ARHGAP42: variants seen among roughly 807,000 people sequenced by gnomAD.
ARHGAP42 encodes Rho GTPase activating protein 42, also known as rho GTPase-activating protein 42.
Under a neutral mutation model 125.0 loss-of-function variants are expected in ARHGAP42, and 63 were observed. The observed-to-expected ratio is 0.50, with a 90% confidence interval of 0.41 to 0.62. ARHGAP42 has a LOEUF of 0.62. ARHGAP42 is among the 20% of genes least tolerant of loss of function. The probability of loss-of-function intolerance (pLI) is 0.00; values close to 1 mark genes in which losing one functional copy is unlikely to be tolerated. For missense variants in ARHGAP42, 766 were observed against 1,024.2 expected (o/e 0.75, Z 3.44); for synonymous variants, 339 against 351.0 (o/e 0.97, Z 0.38).
At chr11:100,694,363 T>C (rs999433349) in intron 1 of ARHGAP42, among the ~76,000 whole-genome samples, 2 of 152,164 alleles carry the variant, frequency 1.3e-5, no homozygotes, top group Admixed American at 1.3e-4. Context: ...ATTAAGTAAA[T>C]GATATGCAAC....
chr11:100,707,726 C>T (rs1861501682), intron 1 of ARHGAP42, among the ~76,000 whole-genome samples: 1 of 152,232 alleles, frequency 6.6e-6, no homozygotes, highest in African/African-American at 2.4e-5. Context: ...GTGTCAGGTA[C>T]TGCTCTAGGC....
At chr11:100,860,797 G>A (rs1295216656) in intron 4 of ARHGAP42, among the ~76,000 whole-genome samples, 1 of 152,066 alleles carries the variant, frequency 6.6e-6, no homozygotes, top group East Asian at 1.9e-4. Flanking sequence ...AGTTTGCCTT[G>A]ATTAGAATTT....
intron 17 of ARHGAP42, among the ~76,000 whole-genome samples, chr11:100,968,819 T>C (rs1040906037): frequency 6.6e-6 from 1 of 152,184 alleles, no homozygotes; most frequent in Non-Finnish European, 1.5e-5. Flanking sequence ...CCCAACAATA[T>C]AATTATTAAT....
chr11:100,838,367 T>C (rs1292048188), intron 3 of ARHGAP42, among the ~76,000 whole-genome samples: 3 of 152,144 alleles, frequency 2.0e-5, no homozygotes, highest in African/African-American at 7.2e-5. Context: ...TAGACATTCC[T>C]TTTTTCAAAC....
chr11:100,946,078 T>G (rs1462869574), intron 10 of ARHGAP42, among the ~76,000 whole-genome samples: 1 of 152,128 alleles, frequency 6.6e-6, no homozygotes, highest in African/African-American at 2.4e-5. Flanking sequence ...CATCAACTCT[T>G]ACTGCTTCAT....
intron 1 of ARHGAP42, among the ~76,000 whole-genome samples, chr11:100,757,941 G>A (rs1862613543): frequency 6.6e-6 from 1 of 152,082 alleles, no homozygotes; most frequent in South Asian, 2.1e-4. Flanking sequence ...GTTACCATCC[G>A]TTATAAAATA....
intron 3 of ARHGAP42, among the ~76,000 whole-genome samples, chr11:100,821,722 C>T (rs951302449): frequency 6.6e-6 from 1 of 151,900 alleles, no homozygotes; most frequent in Non-Finnish European, 1.5e-5. Flanking sequence ...TTATTCTCTT[C>T]ACTATCTTTT....
intron 3 of ARHGAP42, among the ~76,000 whole-genome samples, chr11:100,813,979 G>A (rs1373968503): frequency 6.6e-6 from 1 of 152,076 alleles, no homozygotes; most frequent in Non-Finnish European, 1.5e-5. Flanking sequence ...TGGAGCATGA[G>A]ATCGAGATCA....
intron 12 of ARHGAP42, among the ~76,000 whole-genome samples, chr11:100,950,440 G>A (rs990591379): frequency 6.6e-6 from 1 of 150,842 alleles, no homozygotes; most frequent in Non-Finnish European, 1.5e-5. Context: ...TTTTCTTACA[G>A]GTATAAGACT....
chr11:100,870,462 T>C (rs1865669977), intron 4 of ARHGAP42, among the ~76,000 whole-genome samples: 2 of 152,252 alleles, frequency 1.3e-5, no homozygotes, highest in Non-Finnish European at 2.9e-5. Flanking sequence ...AGAGAATTTA[T>C]TCTAAATGTA....
intron 1 of ARHGAP42, among the ~76,000 whole-genome samples, chr11:100,713,341 G>C (rs1019540710): frequency 3.9e-5 from 6 of 152,156 alleles, no homozygotes; most frequent in African/African-American, 1.4e-4. Context: ...GAGAAAATTT[G>C]AGACTTGGAA....
chr11:100,873,456 A>G (rs774715220), intron 4 of ARHGAP42, among the ~76,000 whole-genome samples: 6 of 152,210 alleles, frequency 3.9e-5, no homozygotes, highest in Non-Finnish European at 7.3e-5. Flanking sequence ...CCAGTGTGTT[A>G]TATAACCCAC....
At chr11:100,951,768 T>C (rs1021841080) in intron 12 of ARHGAP42, among the ~76,000 whole-genome samples, 5 of 152,198 alleles carry the variant, frequency 3.3e-5, no homozygotes, top group African/African-American at 1.2e-4. Flanking sequence ...TCAATTATAA[T>C]TATAAAATGG....
chr11:100,968,421 A>G (rs747482919), intron 17 of ARHGAP42, among the ~76,000 whole-genome samples: 7 of 152,256 alleles, frequency 4.6e-5, no homozygotes, highest in Non-Finnish European at 1.0e-4. Context: ...TCTAGGGCTT[A>G]TCATATACAT....
chr11:100,837,559 G>A (rs913048636), intron 3 of ARHGAP42, among the ~76,000 whole-genome samples: 9 of 151,506 alleles, frequency 5.9e-5, no homozygotes, highest in Non-Finnish European at 1.0e-4. Context: ...GGTGGTCAGG[G>A]CTTGCATACT....
At chr11:100,930,003 A>C (rs963508265) in intron 6 of ARHGAP42, among the ~76,000 whole-genome samples, 2 of 152,204 alleles carry the variant, frequency 1.3e-5, no homozygotes, top group African/African-American at 4.8e-5. Flanking sequence ...GGGTTATTGG[A>C]GCGACAAGTA....
intron 3 of ARHGAP42, among the ~76,000 whole-genome samples, chr11:100,856,655 G>A (rs1865329343): frequency 6.6e-6 from 1 of 152,072 alleles, no homozygotes; most frequent in Admixed American, 6.6e-5. Context: ...ATCTACTACT[G>A]CTAGGCCTCT....
At chr11:100,821,959 C>T (rs897693093) in intron 3 of ARHGAP42, among the ~76,000 whole-genome samples, 4 of 152,108 alleles carry the variant, frequency 2.6e-5, no homozygotes, top group African/African-American at 7.2e-5. Context: ...TCGATTTCTT[C>T]ATCTAGGTAG....
chr11:100,717,261 A>G (rs1861677676), intron 1 of ARHGAP42, among the ~76,000 whole-genome samples: 1 of 152,172 alleles, frequency 6.6e-6, no homozygotes, highest in Admixed American at 6.5e-5. Flanking sequence ...GTGGTTTTCA[A>G]ACAGTGGTTT....
Sources: gnomAD v4.1 joint callset for allele counts (sites outside exome capture counted in the v4.1 genomes callset) on GRCh38, gnomAD v4.1.1 for gene constraint, MANE v1.5 for transcripts, NCBI Gene and HGNC (gene_info 2026-07-23, HGNC 2026-07-21) for gene names.